Variants in RIMBP2 observed in about 807,000 individuals in gnomAD.
RIMBP2 encodes RIMS binding protein 2.
In RIMBP2, 48 loss-of-function variants were observed where a neutral mutation model predicts 118.6. That is an observed-to-expected ratio of 0.40 (90% CI 0.32 to 0.51). The LOEUF is 0.51. RIMBP2 is among the 20% of genes least tolerant of loss of function. The probability of loss-of-function intolerance (pLI) is 0.41; values close to 1 mark genes in which losing one functional copy is unlikely to be tolerated. For synonymous variants in RIMBP2, 762 were observed against 742.9 expected, an observed-to-expected ratio of 1.03 and a Z score of -0.42; for missense variants, 1,551 against 1,768.3, an observed-to-expected ratio of 0.88 and a Z score of 2.20.
At chr12:130,686,639 G>A (rs188201576) in intron 1 of RIMBP2, among the ~76,000 whole-genome samples, 1 of 152,244 alleles carries the variant, frequency 6.6e-6, no homozygotes, top group Admixed American at 6.5e-5. Flanking sequence ...GCACAGCCGT[G>A]CTGGCCCCGG....
At chr12:130,461,898 C>T (rs528914735) in intron 6 of RIMBP2, among the ~76,000 whole-genome samples, 2 of 152,310 alleles carry the variant, frequency 1.3e-5, no homozygotes, top group South Asian at 4.1e-4. Context: ...TCATAAATGG[C>T]CCAGCCTCAG....
chr12:130,508,732 G>A (rs1031656384), intron 3 of RIMBP2, among the ~76,000 whole-genome samples: 3 of 152,280 alleles, frequency 2.0e-5, no homozygotes, highest in Middle Eastern at 3.4e-3. Flanking sequence ...TCACCAGACA[G>A]AAGTTTTCTT....
In RIMBP2 at chr12:130,521,916, T is replaced by A. The variant is rs555525195; in HGVS notation, c.-216-3999A>T. On this transcript the variant is annotated intron_variant, in intron 2 of 22. Transcript: ENST00000690449. Reference sequence around the variant, plus strand: ...AGGTTAAAGCCACACAAAAGAGGGTTTAGGGTTTCCCAGCCAGTGGATGCC... The same window carrying A: ...AGGTTAAAGCCACACAAAAGAGGGTATAGGGTTTCCCAGCCAGTGGATGCC... Among the ~76,000 whole-genome samples the A allele has an allele frequency of 2.2e-4, 34 of 152,324 alleles. No individual in the cohort carries two copies. The South Asian group carries it at 6.6e-3, about 30-fold the overall frequency.
intron 2 of RIMBP2, among the ~76,000 whole-genome samples, chr12:130,615,272 CAT>C (rs1555309104): frequency 1.0e-4 from 4 of 38,798 alleles, no homozygotes; most frequent in Admixed American, 3.0e-4. Flanking sequence ...ACATAATACA[CAT>C]ACATATATAT....
Position 130,420,555 on chromosome 12 carries a change from T to G in RIMBP2, c.3238+1898A>C, listed in dbSNP as rs2136654124. Among the ~76,000 whole-genome samples, 1 of 152,304 alleles carries G rather than the reference T, an allele frequency of 6.6e-6. No individual in the cohort carries two copies. Among genetic ancestry groups the G allele is most frequent in the South Asian group, 2.1e-4 (1 of 4,826 alleles). On this transcript the variant is annotated intron_variant, in intron 17 of 22. Transcript: ENST00000690449. The surrounding 1 kb of genome is among the most constrained non-coding windows in gnomAD (Gnocchi z 4.3). ...CATTTGGGAAGGGTTTTTATGATAC[T>G]AATAAAACTTTAAAGCTTCTCACTG...
intron 1 of RIMBP2, among the ~76,000 whole-genome samples, chr12:130,642,555 G>C (rs2062670605): frequency 2.0e-5 from 3 of 152,202 alleles, no homozygotes; most frequent in African/African-American, 7.2e-5. Flanking sequence ...AAAGTGTTGG[G>C]ATTACAGGCG....
intron 19 of RIMBP2, among the ~76,000 whole-genome samples, chr12:130,410,031 G>A (rs2075578768): frequency 6.6e-6 from 1 of 152,228 alleles, no homozygotes; most frequent in Admixed American, 6.5e-5. Flanking sequence ...AGGCCCACCT[G>A]GCACACTTTG....
At chr12:130,700,295 G>C (rs1312497619) in intron 1 of RIMBP2, among the ~76,000 whole-genome samples, 1 of 152,148 alleles carries the variant, frequency 6.6e-6, no homozygotes, top group Non-Finnish European at 1.5e-5. Context: ...AAAGATGCCT[G>C]GAGTTGAGGA....
At chr12:130,632,698 T>A (rs2062076528) in intron 1 of RIMBP2, among the ~76,000 whole-genome samples, 1 of 152,190 alleles carries the variant, frequency 6.6e-6, no homozygotes, top group Admixed American at 6.5e-5. Context: ...CTACTCTGTA[T>A]GGTTACATGT....
intron 3 of RIMBP2, among the ~76,000 whole-genome samples, chr12:130,508,575 G>A (rs1349106617): frequency 6.6e-6 from 1 of 151,668 alleles, no homozygotes; most frequent in Non-Finnish European, 1.5e-5. Flanking sequence ...CCCAACCCTT[G>A]CAAGGTGACG....
chr12:130,424,335 C>T lies in RIMBP2; in HGVS notation c.2936G>A (p.Gly979Asp), dbSNP rs1485623193. 2.4e-6 allele frequency: 3 copies of T among 1,231,826 alleles called. No individual in the cohort carries two copies. Among genetic ancestry groups the T allele is most frequent in the East Asian group, 3.2e-5 (1 of 31,676 alleles). 76.3% of individuals were successfully genotyped at this position (1,231,826 alleles called of 1,614,324 possible). A position where few individuals can be genotyped will look rare whatever the true frequency, so the allele number is the denominator to read the frequency against. ...GTCGTTCCTGAGGAGGCCACCAGGG[C>T]CCACCTGCTCCCCAAAGTCCTCCTC... ...SVEEDFGEQV[G>D]PGGLLRNDDP... Residue 979 changes from glycine to aspartate, a missense_variant, in exon 16 of 23, where the codon GGC becomes GAC. Around this residue, in one of 5 missense-constraint regions of RIMBP2, gnomAD observed 1,038 missense variants for 1,125.1 expected, o/e 0.92. Transcript: ENST00000690449. The surrounding 1 kb of genome is among the most constrained non-coding windows in gnomAD (Gnocchi z 9.8).
At chr12:130,533,740 A>G (rs2053723263) in intron 2 of RIMBP2, among the ~76,000 whole-genome samples, 1 of 152,232 alleles carries the variant, frequency 6.6e-6, no homozygotes, top group Non-Finnish European at 1.5e-5. Context: ...AAAAAGAATG[A>G]AATTATGTCT....
chr12:130,439,843 CTG>C (rs1294571833), intron 11 of RIMBP2, among the ~76,000 whole-genome samples: 4 of 36,954 alleles, frequency 1.1e-4, no homozygotes, highest in African/African-American at 3.2e-4. Flanking sequence ...GTATGTGTAT[CTG>C]TGAGTCTGTG....
chr12:130,482,226 G>A (rs1180261027), intron 4 of RIMBP2, among the ~76,000 whole-genome samples: 2 of 152,204 alleles, frequency 1.3e-5, no homozygotes, highest in African/African-American at 2.4e-5. Flanking sequence ...GGCCCTCCGT[G>A]TGGGGCTTCC....
At chr12:130,466,781 A>T (rs892276162) in intron 6 of RIMBP2, among the ~76,000 whole-genome samples, 1 of 152,238 alleles carries the variant, frequency 6.6e-6, no homozygotes, top group Non-Finnish European at 1.5e-5. Flanking sequence ...CAGGGATGGG[A>T]CAAAGAACTC....
At chr12:130,445,956 A>G (rs1312674130) in intron 9 of RIMBP2, among the ~76,000 whole-genome samples, 2 of 152,144 alleles carry the variant, frequency 1.3e-5, no homozygotes, top group East Asian at 1.9e-4. Context: ...AGGCACCTAC[A>G]TTTTTAAGGT....
At chr12:130,663,886 C>T (rs1406447836) in intron 1 of RIMBP2, among the ~76,000 whole-genome samples, 1 of 151,610 alleles carries the variant, frequency 6.6e-6, no homozygotes, top group African/African-American at 2.4e-5. Flanking sequence ...TTGTGAAATA[C>T]CAGAAACAGC....
chr12:130,506,112 CA>C (rs1028901546), intron 4 of RIMBP2, among the ~76,000 whole-genome samples: 9 of 151,790 alleles, frequency 5.9e-5, no homozygotes, highest in African/African-American at 2.2e-4. Context: ...TGAAAAAATT[CA>C]TTCAGCTTAA....
chr12:130,512,643 C>T (rs1381122623), intron 3 of RIMBP2, among the ~76,000 whole-genome samples: 7 of 152,184 alleles, frequency 4.6e-5, no homozygotes, highest in Admixed American at 4.6e-4. Flanking sequence ...TCCCATTGCT[C>T]CTGGACTAGA....
Sources: gnomAD v4.1 joint callset for allele counts (sites outside exome capture counted in the v4.1 genomes callset) on GRCh38, gnomAD v4.1.1 for gene constraint, gnomAD v4.1.1 regional missense constraint, Gnocchi (gnomAD v3.1) non-coding constraint, MANE v1.5 for transcripts, NCBI Gene and HGNC (gene_info 2026-07-23, HGNC 2026-07-21) for gene names.